The following KIF5C variants were observed in gnomAD, a reference collection of about 807,000 sequenced individuals.
KIF5C encodes the protein kinesin family member 5C, also known as kinesin heavy chain isoform 5C.
Under a neutral mutation model 125.2 loss-of-function variants are expected in KIF5C, and 18 were observed. The observed-to-expected ratio is 0.14, with a 90% CI of 0.10 to 0.21. The LOEUF (loss-of-function observed/expected upper bound fraction) is 0.21. Among genes scored for constraint, KIF5C ranks in the 10% least tolerant of loss-of-function variants. KIF5C has a pLI of 1.00. For synonymous variants in KIF5C, 405 were observed against 434.0 expected (o/e 0.93, Z 0.83); for missense variants, 780 against 1,183.8 (o/e 0.66, Z 5.01).
chr2:148,877,052 C>A (rs1681213894), intron 1 of KIF5C, among the ~76,000 whole-genome samples: 1 of 152,204 alleles, frequency 6.6e-6, no homozygotes. Flanking sequence ...TCTCAAGCGC[C>A]AGAGGCCGAC....
At chr2:148,938,569 T>C (rs528411022) in intron 4 of KIF5C, among the ~76,000 whole-genome samples, 3 of 152,250 alleles carry the variant, frequency 2.0e-5, no homozygotes, top group East Asian at 3.9e-4. Context: ...CTAAATTCCC[T>C]TGGGCAGGGA....
rs141515527 is a variant in KIF5C at position 149,006,213 on chromosome 2, G to A, written c.2445+749G>A. On this transcript the variant is annotated intron_variant, in intron 22 of 25. Coordinates refer to ENST00000435030, the MANE Select transcript of KIF5C (RefSeq NM_004522.3). Reference sequence around the variant, plus strand: ...TGTGTGCATATTTGAGTGTGTGTACGTGTGTGTGTGAATGTGTGTCAGTGT... The same window carrying A: ...TGTGTGCATATTTGAGTGTGTGTACATGTGTGTGTGAATGTGTGTCAGTGT... 2.9e-3 allele frequency among the ~76,000 whole-genome samples: 437 copies of A among 152,160 alleles called. 1 individual carries two copies. The highest frequency in any genetic ancestry group is 3.3e-3 in the Non-Finnish European group (221 of 67,986).
At chr2:148,904,267 CG>C (rs1681015574) in intron 1 of KIF5C, among the ~76,000 whole-genome samples, 1 of 152,178 alleles carries the variant, frequency 6.6e-6, no homozygotes, top group African/African-American at 2.4e-5. Flanking sequence ...GTCTCAGCAT[CG>C]GGGGAGCACA....
rs917200332 is a variant in KIF5C, at chr2:148,981,423, T to C, written c.1431T>C (p.Asn477=). 3.1e-6 allele frequency: 5 copies of C among 1,610,644 alleles called. No homozygotes were observed. ...AGCTGACACGTCTCCAGATTGAAAA[T>C]GAGGCAGCCAAGGATGAGGTGAAAG... The part of the protein sequence containing the change: ...QEELTRLQIE[N]EAAKDEVKEV... Residue 477 remains asparagine (N), a synonymous_variant, in exon 14 of 26, where the codon AAT becomes AAC. Transcript: ENST00000435030.
chr2:148,897,342 GT>G (rs1200970075), intron 1 of KIF5C, among the ~76,000 whole-genome samples: 1 of 152,056 alleles, frequency 6.6e-6, no homozygotes, highest in Non-Finnish European at 1.5e-5. Flanking sequence ...GTAGACTAGG[GT>G]TTCTTGAACT....
At chr2:148,979,137 C>G in intron 13 of KIF5C, 147 bp downstream of exon 13, 1 of 1,074,374 alleles carries the variant, frequency 9.3e-7, no homozygotes. Context: ...CCTTCACTGC[C>G]TCTTACAAGC....
chr2:149,021,031 A>G (rs1012090684), intron 25 of KIF5C, among the ~76,000 whole-genome samples: 1 of 151,884 alleles, frequency 6.6e-6, no homozygotes, highest in Non-Finnish European at 1.5e-5. Context: ...TTCTGTGAAT[A>G]TTTTTTCTTG....
chr2:148,996,700 T>C (rs1186459068), intron 17 of KIF5C, among the ~76,000 whole-genome samples: 1 of 152,244 alleles, frequency 6.6e-6, no homozygotes, highest in Non-Finnish European at 1.5e-5. Flanking sequence ...TGGGGCCTTC[T>C]GGTTTAATCT....
chr2:148,998,246 G>C, intron 18 of KIF5C, 154 bp from the exon 19 acceptor site: 1 of 1,272,880 alleles, frequency 7.9e-7, no homozygotes, highest in African/African-American at 1.5e-5. Context: ...AGCAAGGCCG[G>C]GTCCTGGGGG....
At chr2:148,969,422 A>ATTGT (rs1553467598) in intron 11 of KIF5C, among the ~76,000 whole-genome samples, 59 of 141,290 alleles carry the variant, frequency 4.2e-4, no homozygotes, top group Non-Finnish European at 6.7e-4. Context: ...GAAGGTTTCC[A>ATTGT]GTGTGTGTGT....
At chr2:148,961,759 G>A (rs760742538) in intron 10 of KIF5C, among the ~76,000 whole-genome samples, 2 of 152,170 alleles carry the variant, frequency 1.3e-5, no homozygotes, top group Non-Finnish European at 2.9e-5. Context: ...AGAGACCAGT[G>A]GGATGTGAAG....
At position 148,942,646 on chromosome 2, in the gene KIF5C, G is replaced by A. The variant is rs1439727109; in HGVS notation, c.502-27G>A. On this transcript the variant is annotated intron_variant, in intron 6 of 25. Transcript: ENST00000435030. ...ATTGTTGCTTTTCAACTCTTTCAGT[G>A]GTGAACCTGAACTGATTCTCTTCCA... 2.5e-6 allele frequency: 4 copies of A among 1,596,614 alleles called. No individual in the cohort carries two copies. The Admixed American group carries it at 7.0e-5, about 28-fold the overall frequency.
chr2:148,935,647 C>T (rs973083426), intron 3 of KIF5C, among the ~76,000 whole-genome samples: 1 of 152,178 alleles, frequency 6.6e-6, no homozygotes, highest in African/African-American at 2.4e-5. Context: ...TATTAATTGT[C>T]AGGGATAGAA....
chr2:148,875,675 G>T lies in KIF5C; in HGVS notation c.58G>T (p.Glu20Ter). 6.3e-7 allele frequency: 1 copy of T among 1,576,506 alleles called. No homozygotes were observed. The highest frequency in any genetic ancestry group is 8.6e-7 in the Non-Finnish European group (1 of 1,161,060). ...GATGTGCCGGTTCCGGCCCCTCAAC[G>T]AAGCGGAGATCCTCCGCGGGGACAA... is the stretch of plus-strand genomic sequence containing the variant. ...KVMCRFRPLN[E>*]AEILRGDKFI... is the part of the protein sequence containing the mutation. The change falls in exon 1 of 26, where the codon GAA (glutamate) becomes TAA (stop). Residue 20 changes from glutamate (E) to a stop codon, truncating the protein, a stop_gained. Transcript: ENST00000435030. LOFTEE classifies it high-confidence loss of function.
At chr2:148,917,873 T>C (rs1205126643) in intron 1 of KIF5C, among the ~76,000 whole-genome samples, 1 of 152,234 alleles carries the variant, frequency 6.6e-6, no homozygotes, top group Non-Finnish European at 1.5e-5. Context: ...GAGCTTGTTA[T>C]TGGATTACTT....
At chr2:148,959,572 A>G (rs997922141) in intron 10 of KIF5C, among the ~76,000 whole-genome samples, 4 of 152,150 alleles carry the variant, frequency 2.6e-5, no homozygotes, top group Non-Finnish European at 4.4e-5. Context: ...ATTTGGGCTG[A>G]ATGAAGTCTC....
At chr2:148,996,103 C>T (rs1366739799) in intron 17 of KIF5C, among the ~76,000 whole-genome samples, 2 of 151,772 alleles carry the variant, frequency 1.3e-5, no homozygotes, top group Non-Finnish European at 2.9e-5. Flanking sequence ...TGTAATGAGC[C>T]GATATCGTGG....
chr2:149,013,127 T>C (rs73011366), intron 25 of KIF5C, among the ~76,000 whole-genome samples: 3,409 of 152,300 alleles, frequency 0.022, 116 homozygotes, highest in African/African-American at 0.076. Flanking sequence ...CTCTCCATGG[T>C]TTATACAGGA....
At chr2:148,917,823 A>G (rs1364974280) in intron 1 of KIF5C, among the ~76,000 whole-genome samples, 2 of 152,230 alleles carry the variant, frequency 1.3e-5, no homozygotes, top group African/African-American at 4.8e-5. Flanking sequence ...AATCATTCAA[A>G]TCATTGGCAG....
Sources: gnomAD v4.1 joint callset for allele counts (sites outside exome capture counted in the v4.1 genomes callset) on GRCh38, gnomAD v4.1.1 for gene constraint, MANE v1.5 for transcripts, NCBI Gene and HGNC (gene_info 2026-07-23, HGNC 2026-07-21) for gene names.